Variants in ZHX3 observed in about 807,000 individuals in gnomAD.
The protein encoded by ZHX3 is zinc fingers and homeoboxes protein 3.
In ZHX3, 20 loss-of-function variants were observed where a neutral mutation model predicts 64.5. The observed-to-expected ratio is 0.31, with a 90% CI of 0.22 to 0.45. The LOEUF is 0.45. ZHX3 is among the 20% of genes least tolerant of loss of function. The pLI is 1.00. For missense variants in ZHX3, 1,041 were observed against 1,195.8 expected (o/e 0.87, Z 1.91); for synonymous variants, 423 against 461.6 (o/e 0.92, Z 1.07).
Position 41,201,936 on chromosome 20 carries a change from T to C in ZHX3, c.2860+121A>G, listed in dbSNP as rs1166379794. 1.6e-6 allele frequency: 2 copies of C among 1,275,402 alleles called. No homozygotes were observed. Among genetic ancestry groups the C allele is most frequent in the African/African-American group, 1.5e-5 (1 of 66,502 alleles). 79.0% of individuals were successfully genotyped at this position (1,275,402 alleles called of 1,614,324 possible). A position where few individuals can be genotyped will look rare whatever the true frequency, so the allele number is the denominator to read the frequency against. On this transcript the variant is annotated intron_variant, in intron 3 of 3. Transcript: ENST00000683867. The surrounding 1 kb of genome is among the most constrained non-coding windows in gnomAD (Gnocchi z 5.0). ...TCCTCTGAAGCAGCCAGGCGGTTAATGCTGCTGCCAGGCAGCCTTAGAGAC... is the reference window on the plus strand; with the variant it reads ...TCCTCTGAAGCAGCCAGGCGGTTAACGCTGCTGCCAGGCAGCCTTAGAGAC...
In ZHX3 at chr20:41,200,313, A is replaced by G. The variant is rs1459726706; in HGVS notation, c.2860+1744T>C. On this transcript the variant is annotated intron_variant, in intron 3 of 3. Coordinates refer to ENST00000683867, the MANE Select transcript of ZHX3 (RefSeq NM_001384317.1). The surrounding 1 kb of genome is among the most constrained non-coding windows in gnomAD (Gnocchi z 4.2). ...TTCTCCATGTCAGCTTTCGTAATCA[A>G]CTTGTTCAAACATCCTCATCTCTCT... Among the ~76,000 whole-genome samples, 2 of 152,178 alleles carry G rather than the reference A, an allele frequency of 1.3e-5. No homozygotes were observed. The highest frequency in any genetic ancestry group is 1.3e-4 in the Admixed American group (2 of 15,284).
At chr20:41,273,794 T>C (rs2043260464) in intron 1 of ZHX3, among the ~76,000 whole-genome samples, 1 of 152,176 alleles carries the variant, frequency 6.6e-6, no homozygotes, top group Non-Finnish European at 1.5e-5. Context: ...CAACTTTGTT[T>C]TTCTTTTTCA....
chr20:41,250,945 G>C (rs1335454727), intron 2 of ZHX3, among the ~76,000 whole-genome samples: 1 of 152,080 alleles, frequency 6.6e-6, no homozygotes, highest in Non-Finnish European at 1.5e-5. Context: ...TTAGGAGTTT[G>C]AGACCAGCTT....
At chr20:41,293,098 A>G (rs2044331743) in intron 1 of ZHX3, among the ~76,000 whole-genome samples, 1 of 152,190 alleles carries the variant, frequency 6.6e-6, no homozygotes, top group Non-Finnish European at 1.5e-5. Context: ...TGGGTACAGC[A>G]CAGCTACCCA....
chr20:41,290,783 T>C (rs17266652), intron 1 of ZHX3, among the ~76,000 whole-genome samples: 10,802 of 152,276 alleles, frequency 0.071, 412 homozygotes, highest in Middle Eastern at 0.17. Context: ...TCTTAAATCA[T>C]AAAATCTCCA....
intron 1 of ZHX3, among the ~76,000 whole-genome samples, chr20:41,273,808 T>C (rs902407111): frequency 1.3e-5 from 2 of 152,180 alleles, no homozygotes; most frequent in African/African-American, 4.8e-5. Context: ...TTTTTCAAGA[T>C]TGTTTTGACT....
chr20:41,204,210 G>A lies in ZHX3; in HGVS notation c.707C>T (p.Ala236Val), dbSNP rs764962010. 1.7e-4 allele frequency: 281 copies of A among 1,612,296 alleles called. 1 individual carries two copies. The highest frequency in any genetic ancestry group is 2.4e-4 in the Non-Finnish European group (278 of 1,179,152). ...REGDHSFINGAVPVSQASASS... is the reference protein window; with the variant it reads ...REGDHSFINGVVPVSQASASS... ...GGCAGATGCCTGGCTGACTGGAACT[G>A]CCCCATTGATGAAGGAATGGTCCCC... The change falls in exon 3 of 4, where the codon GCA becomes GTA. Residue 236 changes from alanine (A) to valine (V), a missense_variant. Ala to Val is a moderately conservative substitution (Grantham distance 64). Around this residue, in one of 4 missense-constraint regions of ZHX3, gnomAD observed 358 missense variants for 369.1 expected, o/e 0.97. Coordinates refer to ENST00000683867, the MANE Select transcript of ZHX3 (RefSeq NM_001384317.1). This position sits in a 1 kb window ranked among gnomAD's most constrained non-coding sequence, Gnocchi z 6.6.
At chr20:41,248,414 T>C (rs76262032) in intron 2 of ZHX3, among the ~76,000 whole-genome samples, 245 of 152,270 alleles carry the variant, frequency 1.6e-3, no homozygotes, top group Middle Eastern at 6.8e-3. Flanking sequence ...ACTTGGGAAA[T>C]GTTTGCATTG....
chr20:41,284,646 A>G (rs1271864775), intron 1 of ZHX3, among the ~76,000 whole-genome samples: 5 of 152,156 alleles, frequency 3.3e-5, no homozygotes, highest in Non-Finnish European at 7.3e-5. Context: ...GCTCTCTGCA[A>G]TCATTTTCCT....
chr20:41,206,289 G>C (rs1325150300), intron 2 of ZHX3, among the ~76,000 whole-genome samples: 1 of 152,212 alleles, frequency 6.6e-6, no homozygotes, highest in African/African-American at 2.4e-5. Context: ...AATAAAGCTG[G>C]ATGGAGAATG....
intron 1 of ZHX3, among the ~76,000 whole-genome samples, chr20:41,297,985 T>A (rs767326412): frequency 6.6e-6 from 1 of 152,164 alleles, no homozygotes. Context: ...TCTAAAGATA[T>A]AGAGCTAAGG....
intron 3 of ZHX3, chr20:41,197,096 CG>C (rs1015187057): frequency 3.2e-5 from 7 of 217,786 alleles, no homozygotes; most frequent in African/African-American, 9.2e-5. Context: ...GAGAAGAAGG[CG>C]TATGTTCAAC....
chr20:41,281,440 T>C (rs2146689173), intron 1 of ZHX3, among the ~76,000 whole-genome samples: 1 of 152,316 alleles, frequency 6.6e-6, no homozygotes, highest in South Asian at 2.1e-4. Context: ...TTTAAAGCTC[T>C]ACTCCACAAT....
chr20:41,264,841 G>A (rs1277349698), intron 2 of ZHX3, among the ~76,000 whole-genome samples: 1 of 152,018 alleles, frequency 6.6e-6, no homozygotes, highest in Non-Finnish European at 1.5e-5. Flanking sequence ...TTTTATTTGT[G>A]TCAACAGAAA....
chr20:41,220,542 G>T (rs754837825), intron 2 of ZHX3, among the ~76,000 whole-genome samples: 7 of 152,022 alleles, frequency 4.6e-5, no homozygotes, highest in Admixed American at 1.3e-4. Flanking sequence ...TCTTAGGAGG[G>T]TCCCCTTTAC....
intron 1 of ZHX3, among the ~76,000 whole-genome samples, chr20:41,275,562 G>A (rs1004578305): frequency 6.6e-6 from 1 of 152,212 alleles, no homozygotes; most frequent in Non-Finnish European, 1.5e-5. Context: ...ACATAGGGTG[G>A]ACTCCTGCTG....
intron 2 of ZHX3, among the ~76,000 whole-genome samples, chr20:41,227,927 C>T (rs767775942): frequency 6.6e-6 from 1 of 152,096 alleles, no homozygotes; most frequent in Non-Finnish European, 1.5e-5. Context: ...CCATCTTCCC[C>T]CTCCCCCATG....
intron 2 of ZHX3, among the ~76,000 whole-genome samples, chr20:41,251,621 G>T (rs1235008107): frequency 6.6e-6 from 1 of 152,112 alleles, no homozygotes; most frequent in Admixed American, 6.5e-5. Context: ...GCAAAGACTG[G>T]CAGAGTAGAA....
chr20:41,196,457 T>TATATAATATATATTTATATAAATATATA (rs11480834), intron 3 of ZHX3, among the ~76,000 whole-genome samples: 1 of 1,370 alleles, frequency 7.3e-4, no homozygotes, highest in African/African-American at 1.8e-3. Context: ...ATATAATATA[T>TATATAATATATATTTATATAAATATATA]TTATATATAA....
Sources: gnomAD v4.1 joint callset for allele counts (sites outside exome capture counted in the v4.1 genomes callset) on GRCh38, gnomAD v4.1.1 for gene constraint, gnomAD v4.1.1 regional missense constraint, Gnocchi (gnomAD v3.1) non-coding constraint, MANE v1.5 for transcripts, NCBI Gene and HGNC (gene_info 2026-07-23, HGNC 2026-07-21) for gene names.